ADAMTS3: variants seen among roughly 807,000 people sequenced by gnomAD.
The protein encoded by ADAMTS3 is ADAM metallopeptidase with thrombospondin type 1 motif 3, also known as A disintegrin and metalloproteinase with thrombospondin motifs 3.
A neutral mutation model predicts 129.0 loss-of-function variants in ADAMTS3; 73 were observed. That is an observed-to-expected ratio of 0.57 (90% CI 0.47 to 0.69). ADAMTS3 has a LOEUF of 0.69. Ranked by LOEUF, ADAMTS3 falls within the 30% of genes least tolerant of loss-of-function variation. The pLI is 0.00. For missense variants in ADAMTS3, 1,457 were observed against 1,514.5 expected (o/e 0.96, Z 0.63); for synonymous variants, 477 against 510.8 (o/e 0.93, Z 0.89).
chr4:72,397,632 A>C (rs1307548926), intron 4 of ADAMTS3, among the ~76,000 whole-genome samples: 1 of 152,146 alleles, frequency 6.6e-6, no homozygotes, highest in Admixed American at 6.5e-5. Context: ...GGCTGTCGTA[A>C]GACAGGAAAA....
intron 3 of ADAMTS3, among the ~76,000 whole-genome samples, chr4:72,506,142 A>G (rs1221354779): frequency 2.0e-5 from 3 of 152,168 alleles, no homozygotes; most frequent in Non-Finnish European, 4.4e-5. Context: ...CTGCTTATGT[A>G]TAGAGCAAAG....
chr4:72,287,297 T>C lies in ADAMTS3; in HGVS notation c.3049+1454A>G, dbSNP rs77883916. ...AAAGTACCCAGTCTCAGGTATTTTG[T>C]TATAGCAGCTAGAACAGACTAAGGC... On this transcript the variant is annotated intron_variant, in intron 21 of 21. Transcript: ENST00000286657. Among the ~76,000 whole-genome samples the C allele has an allele frequency of 8.1e-3, 1,229 of 150,984 alleles. 16 individuals are homozygous for C. Among genetic ancestry groups the C allele is most frequent in the African/African-American group, 0.028 (1,166 of 41,078 alleles).
intron 21 of ADAMTS3, among the ~76,000 whole-genome samples, chr4:72,284,773 T>G (rs1718457258): frequency 6.6e-6 from 1 of 152,206 alleles, no homozygotes; most frequent in African/African-American, 2.4e-5. Flanking sequence ...ATTATTTTTA[T>G]TACTTTAAAA....
At chr4:72,414,667 A>G (rs550504988) in intron 4 of ADAMTS3, 148 bp downstream of exon 4, 187 of 558,898 alleles carry the variant, frequency 3.3e-4, no homozygotes, top group Non-Finnish European at 4.2e-4. Context: ...AGCAAGCCAC[A>G]TTTCATGATT....
chr4:72,288,751 C>T lies in ADAMTS3; in HGVS notation c.3049G>A (p.Asp1017Asn), dbSNP rs768811660. Residue 1017 changes from aspartate to asparagine, a missense_variant and splice_region_variant, in exon 21 of 22, where the codon GAT becomes AAT. Physicochemically the swap from Asp to Asn is conservative, Grantham distance 23. Transcript: ENST00000286657. ...VRACQLPPCN[D>N]EPCLGDKSIF... ...TGAAGTCAATTGGTGTGACACCTAC[C>T]ATTACAAGGAGGCAGTTGACAGGCT... The T allele has an allele frequency of 8.1e-6, 13 of 1,598,798 alleles. No individual in the cohort carries two copies. The highest frequency in any genetic ancestry group is 1.0e-5 in the Non-Finnish European group (12 of 1,166,140).
intron 3 of ADAMTS3, among the ~76,000 whole-genome samples, chr4:72,434,308 C>T (rs1002035820): frequency 6.6e-6 from 1 of 151,838 alleles, no homozygotes; most frequent in Non-Finnish European, 1.5e-5. Context: ...AACTAAATTG[C>T]ATTATTTAAA....
chr4:72,425,337 A>T (rs1212499892), intron 3 of ADAMTS3, among the ~76,000 whole-genome samples: 1 of 151,404 alleles, frequency 6.6e-6, no homozygotes, highest in Non-Finnish European at 1.5e-5. Context: ...TGGGCATTTG[A>T]TTCTTTTTTT....
intron 3 of ADAMTS3, among the ~76,000 whole-genome samples, chr4:72,504,274 T>C (rs916371182): frequency 6.6e-6 from 1 of 152,162 alleles, no homozygotes; most frequent in African/African-American, 2.4e-5. Flanking sequence ...TAGTGGTAAA[T>C]TCCCTTGGTA....
Position 72,521,755 on chromosome 4 carries a change from CAT to C in ADAMTS3, c.504+26721_504+26722del, listed in dbSNP as rs537023755. Among the ~76,000 whole-genome samples the C allele has an allele frequency of 5.8e-3, 880 of 152,234 alleles. 2 individuals carry two copies. Among genetic ancestry groups the C allele is most frequent in the African/African-American group, 0.02 (845 of 41,542 alleles). On this transcript the variant is annotated intron_variant, in intron 3 of 21. Coordinates refer to ENST00000286657, the MANE Select transcript of ADAMTS3 (RefSeq NM_014243.3). ...AACCTCTAATTTAATTGAAGTTAAT[CAT>C]ATCTCTTAATTAGCTATTCCCATTA...
chr4:72,342,231 G>T (rs1720156010), intron 4 of ADAMTS3, among the ~76,000 whole-genome samples: 1 of 152,010 alleles, frequency 6.6e-6, no homozygotes, highest in South Asian at 2.1e-4. Context: ...AACTGCCTTT[G>T]TAAAACTAAT....
At chr4:72,433,574 AT>A (rs575898104) in intron 3 of ADAMTS3, among the ~76,000 whole-genome samples, 15 of 151,818 alleles carry the variant, frequency 9.9e-5, no homozygotes, top group Non-Finnish European at 2.1e-4. Context: ...ATTCTCCTAA[AT>A]TTTTTCCCCA....
intron 19 of ADAMTS3, among the ~76,000 whole-genome samples, chr4:72,294,713 C>T (rs182968466): frequency 2.6e-5 from 4 of 152,028 alleles, no homozygotes; most frequent in African/African-American, 9.6e-5. Context: ...GACAAAGAGA[C>T]CAAAACAGGT....
chr4:72,500,879 C>T (rs1447737181), intron 3 of ADAMTS3, among the ~76,000 whole-genome samples: 3 of 152,062 alleles, frequency 2.0e-5, no homozygotes, highest in African/African-American at 7.2e-5. Context: ...GGTCCTTTCC[C>T]TATTGCTTAC....
At chr4:72,431,127 G>A (rs1006901719) in intron 3 of ADAMTS3, among the ~76,000 whole-genome samples, 2 of 151,888 alleles carry the variant, frequency 1.3e-5, no homozygotes, top group Admixed American at 6.6e-5. Context: ...AGAAGCAGAA[G>A]CAATGCAAAA....
intron 3 of ADAMTS3, among the ~76,000 whole-genome samples, chr4:72,498,817 T>G (rs548428017): frequency 6.6e-6 from 1 of 152,150 alleles, no homozygotes; most frequent in East Asian, 1.9e-4. Context: ...TTGGCCACAT[T>G]GGTAAAAGAG....
chr4:72,311,918 A>G (rs1719245418), intron 13 of ADAMTS3, among the ~76,000 whole-genome samples: 1 of 152,068 alleles, frequency 6.6e-6, no homozygotes, highest in South Asian at 2.1e-4. Context: ...CTTGGTCCTG[A>G]CTCAATTTTC....
intron 3 of ADAMTS3, among the ~76,000 whole-genome samples, chr4:72,535,714 G>C (rs1721170547): frequency 6.6e-6 from 1 of 151,892 alleles, no homozygotes; most frequent in African/African-American, 2.4e-5. Flanking sequence ...CTCCTTGCTG[G>C]ATGCTTGTTT....
chr4:72,348,749 G>A lies in ADAMTS3; in HGVS notation c.662-9056C>T, dbSNP rs180947060. Among the ~76,000 whole-genome samples, 5 of 151,780 alleles carry A rather than the reference G, an allele frequency of 3.3e-5. No homozygotes were observed. The East Asian group carries it at 7.8e-4, about 24-fold the overall frequency. On this transcript the variant is annotated intron_variant, in intron 4 of 21. Coordinates refer to ENST00000286657, the MANE Select transcript of ADAMTS3 (RefSeq NM_014243.3). ...AGTTTGATGTACCATTGCTGGCTCT[G>A]GAGATGGATGGATTCTGCTCCTGGA...
At chr4:72,548,959 T>C in intron 2 of ADAMTS3, 75 bp from the exon 3 acceptor site, 1 of 1,384,376 alleles carries the variant, frequency 7.2e-7, no homozygotes, top group Non-Finnish European at 9.8e-7. Flanking sequence ...AGACAAAAGC[T>C]GCCCACCTCA....
Sources: gnomAD v4.1 joint callset for allele counts (sites outside exome capture counted in the v4.1 genomes callset) on GRCh38, gnomAD v4.1.1 for gene constraint, MANE v1.5 for transcripts, NCBI Gene and HGNC (gene_info 2026-07-23, HGNC 2026-07-21) for gene names.